Variants in BOLL observed in about 807,000 individuals in gnomAD.
The protein encoded by BOLL is boule RNA binding protein, also known as protein boule-like.
Under a neutral mutation model 44.4 loss-of-function variants are expected in BOLL, and 23 were observed. The ratio of observed to expected loss-of-function variants is 0.52; its 90% confidence interval spans 0.37 to 0.73. The LOEUF is 0.73. Ranked by LOEUF, BOLL falls within the 30% of genes least tolerant of loss-of-function variation. The pLI is 0.00. For missense variants in BOLL, 287 were observed against 338.3 expected, an observed-to-expected ratio of 0.85 and a Z score of 1.19; for synonymous variants, 97 against 110.8, an observed-to-expected ratio of 0.88 and a Z score of 0.78.
intron 10 of BOLL, among the ~76,000 whole-genome samples, chr2:197,732,854 ATACTG>A: frequency 1.4e-5 from 2 of 143,368 alleles, no homozygotes; most frequent in Non-Finnish European, 3.1e-5. Context: ...AGCCAATATC[ATACTG>A]AATGGGCAAA....
intron 9 of BOLL, among the ~76,000 whole-genome samples, chr2:197,750,921 A>G (rs1435976205): frequency 6.6e-6 from 1 of 152,216 alleles, no homozygotes; most frequent in African/African-American, 2.4e-5. Flanking sequence ...AGAAAATGGT[A>G]AAGAACAGAA....
At chr2:197,755,101 A>C (rs546143488) in intron 9 of BOLL, among the ~76,000 whole-genome samples, 56 of 152,358 alleles carry the variant, frequency 3.7e-4, no homozygotes, top group Non-Finnish European at 4.3e-4. Flanking sequence ...ACGAACAGAC[A>C]CTTCTCAAAA....
At chr2:197,738,681 A>T (rs999195429) in intron 10 of BOLL, among the ~76,000 whole-genome samples, 1 of 152,172 alleles carries the variant, frequency 6.6e-6, no homozygotes, top group Non-Finnish European at 1.5e-5. Context: ...TTCAATTAAC[A>T]TTCATGAGTT....
chr2:197,747,291 T>C (rs1688029423), intron 9 of BOLL, among the ~76,000 whole-genome samples: 1 of 151,794 alleles, frequency 6.6e-6, no homozygotes. Context: ...CATAAAAAAG[T>C]AGGTGGGGCA....
chr2:197,732,058 G>A (rs946940348), intron 10 of BOLL, among the ~76,000 whole-genome samples: 5 of 149,578 alleles, frequency 3.3e-5, no homozygotes, highest in East Asian at 2.0e-4. Flanking sequence ...TTGATAGACC[G>A]CTAGCAAGAC....
chr2:197,783,338 T>C (rs1403108407), intron 1 of BOLL, among the ~76,000 whole-genome samples: 1 of 152,180 alleles, frequency 6.6e-6, no homozygotes, highest in Non-Finnish European at 1.5e-5. Flanking sequence ...ATAATTCCAA[T>C]TCTCTGAGAA....
At chr2:197,737,503 T>A (rs1687548393) in intron 10 of BOLL, among the ~76,000 whole-genome samples, 1 of 152,124 alleles carries the variant, frequency 6.6e-6, no homozygotes, top group South Asian at 2.1e-4. Context: ...GTCTATTGTT[T>A]GACTATATAT....
rs1686923687 is a variant in BOLL, at chr2:197,728,028, CA to C, written c.*526del. On this transcript the variant is annotated 3_prime_UTR_variant, in exon 11 of 11. Transcript: ENST00000392296. ...AGTAATAAATGAATTAAAAATTAGA[CA>C]AAAGCATATTAAATGACAAAACAGC... is the stretch of plus-strand genomic sequence containing the variant. 6.5e-6 allele frequency: 1 copy of C among 152,734 alleles called. No individual in the cohort carries two copies. The highest frequency in any genetic ancestry group is 2.4e-5 in the African/African-American group (1 of 41,304). 9.5% of individuals were successfully genotyped at this position (152,734 alleles called of 1,614,324 possible).
intron 10 of BOLL, among the ~76,000 whole-genome samples, chr2:197,739,361 A>C (rs1456925248): frequency 6.6e-6 from 1 of 152,182 alleles, no homozygotes; most frequent in Non-Finnish European, 1.5e-5. Context: ...CTTTGGGCTC[A>C]AGTGATCATC....
chr2:197,734,989 G>A (rs1330408945), intron 10 of BOLL, among the ~76,000 whole-genome samples: 1 of 151,864 alleles, frequency 6.6e-6, no homozygotes, highest in Non-Finnish European at 1.5e-5. Flanking sequence ...TCTATTTAAA[G>A]TCTGCATAAT....
rs577997073 is a variant in BOLL at position 197,747,617 on chromosome 2, GA to G, written c.730-4459del. 6.4e-3 allele frequency among the ~76,000 whole-genome samples: 905 copies of G among 141,684 alleles called. 3 individuals carry two copies. The highest frequency in any genetic ancestry group is 0.011 in the Non-Finnish European group (741 of 64,952). The allele number at this position is 141,684 out of a possible 152,430, so 93.0% of individuals were successfully genotyped here. On this transcript the variant is annotated intron_variant, in intron 9 of 10. Coordinates refer to ENST00000392296, the MANE Select transcript of BOLL (RefSeq NM_033030.6). ...AAAAAAAAAAAAAAAGGTGGGGCATGAAACAAATAATAAAGAAATCCTAGTA... is the reference window on the plus strand; with the variant it reads ...AAAAAAAAAAAAAAAGGTGGGGCATGAACAAATAATAAAGAAATCCTAGTA...
At chr2:197,786,051 A>C, upstream of BOLL, 5 of 1,601,220 alleles carry the variant, frequency 3.1e-6, no homozygotes, top group Non-Finnish European at 4.3e-6. The surrounding 1 kb of genome is among the most constrained non-coding windows in gnomAD (Gnocchi z 5.9). Flanking sequence ...AGAAGCCTAA[A>C]GTTTGAAACC....
chr2:197,738,979 A>G (rs533812066), intron 10 of BOLL, among the ~76,000 whole-genome samples: 4 of 152,196 alleles, frequency 2.6e-5, no homozygotes, highest in Non-Finnish European at 2.9e-5. Flanking sequence ...AATTTGCCAC[A>G]TAGTAATACA....
chr2:197,729,711 C>T (rs1001866443), intron 10 of BOLL, among the ~76,000 whole-genome samples: 1 of 152,200 alleles, frequency 6.6e-6, no homozygotes, highest in Non-Finnish European at 1.5e-5. Flanking sequence ...ACACTGACAC[C>T]TCACAGGGCA....
At chr2:197,764,925 T>C (rs1054711177) in intron 7 of BOLL, among the ~76,000 whole-genome samples, 1 of 151,904 alleles carries the variant, frequency 6.6e-6, no homozygotes, top group African/African-American at 2.4e-5. Flanking sequence ...ACAGATGTTT[T>C]CCACTGAGCA....
chr2:197,754,097 G>A (rs1688389948), intron 9 of BOLL, among the ~76,000 whole-genome samples: 1 of 152,156 alleles, frequency 6.6e-6, no homozygotes, highest in Non-Finnish European at 1.5e-5. Context: ...GAGAACACAT[G>A]GACATAGGGA....
At chr2:197,784,472 C>T (rs1689966286) in intron 1 of BOLL, among the ~76,000 whole-genome samples, 1 of 132,612 alleles carries the variant, frequency 7.5e-6, no homozygotes, top group African/African-American at 2.9e-5. Flanking sequence ...TGCTCTGTCG[C>T]CAGGCTGGAG....
intron 10 of BOLL, among the ~76,000 whole-genome samples, chr2:197,737,798 A>T (rs1687562458): frequency 6.6e-6 from 1 of 152,128 alleles, no homozygotes; most frequent in African/African-American, 2.4e-5. Flanking sequence ...AGTAGTTCAG[A>T]TCCCTCTCCA....
intron 10 of BOLL, among the ~76,000 whole-genome samples, chr2:197,731,328 C>T (rs1474391811): frequency 6.8e-6 from 1 of 147,548 alleles, no homozygotes; most frequent in Non-Finnish European, 1.5e-5. Flanking sequence ...TCCTGAGTGA[C>T]CTACAAAGAG....
Sources: gnomAD v4.1 joint callset for allele counts (sites outside exome capture counted in the v4.1 genomes callset) on GRCh38, gnomAD v4.1.1 for gene constraint, Gnocchi (gnomAD v3.1) non-coding constraint, MANE v1.5 for transcripts, NCBI Gene and HGNC (gene_info 2026-07-23, HGNC 2026-07-21) for gene names.